Variants in SLC2A5 observed in about 807,000 individuals in gnomAD.
SLC2A5 encodes the protein solute carrier family 2, facilitated glucose transporter member 5.
Under a neutral mutation model 50.3 loss-of-function variants are expected in SLC2A5, and 56 were observed. That is an observed-to-expected ratio of 1.11 (90% CI 0.90 to 1.39). SLC2A5 has a LOEUF of 1.39. SLC2A5 is among the 40% of genes most tolerant of loss of function. SLC2A5 has a pLI of 0.00. For missense variants in SLC2A5, 566 were observed against 650.1 expected, an observed-to-expected ratio of 0.87 and a Z score of 1.41; for synonymous variants, 269 against 281.9, an observed-to-expected ratio of 0.95 and a Z score of 0.46.
At chr1:9,045,894 T>C (rs1055286241) in intron 4 of SLC2A5, among the ~76,000 whole-genome samples, 4 of 135,822 alleles carry the variant, frequency 2.9e-5, no homozygotes, top group African/African-American at 1.1e-4. Context: ...AAAAAAAAGA[T>C]GGCAGAGACC....
upstream of SLC2A5, chr1:9,071,903 G>C: frequency 6.4e-6 from 1 of 156,738 alleles, no homozygotes; most frequent in Non-Finnish European, 1.4e-5. Context: ...GATCCCCCTC[G>C]GCCTCTGCCT....
chr1:9,059,954 C>T (rs1368579283), intron 1 of SLC2A5, among the ~76,000 whole-genome samples: 1 of 150,816 alleles, frequency 6.6e-6, no homozygotes, highest in Middle Eastern at 3.2e-3. Context: ...GCAGCACCTG[C>T]AAGGAGCCCT....
intron 1 of SLC2A5, among the ~76,000 whole-genome samples, chr1:9,059,927 G>A (rs145008619): frequency 1.6e-3 from 236 of 151,230 alleles, no homozygotes; most frequent in African/African-American, 5.6e-3. Flanking sequence ...AGATGGGGTG[G>A]AGTGAACCTC....
At chr1:9,055,039 G>A (rs1048216663) in intron 3 of SLC2A5, among the ~76,000 whole-genome samples, 1 of 152,148 alleles carries the variant, frequency 6.6e-6, no homozygotes, top group Non-Finnish European at 1.5e-5. Context: ...CTATATGTAT[G>A]ATTAAAAAAA....
At chr1:9,086,387 C>CTTTTTTTTTTTTTTTTTTTTTTT (rs34593630) in intron 1 of SLC2A5, among the ~76,000 whole-genome samples, 1 of 140,546 alleles carries the variant, frequency 7.1e-6, no homozygotes, top group Non-Finnish European at 1.5e-5. Context: ...TTTTCTCTCT[C>CTTTTTTTTTTTTTTTTTTTTTTT]TTTTTTTTTT....
intron 1 of SLC2A5, among the ~76,000 whole-genome samples, chr1:9,063,112 G>A (rs557444140): frequency 6.6e-6 from 1 of 152,326 alleles, no homozygotes; most frequent in Non-Finnish European, 1.5e-5. Context: ...CACCCTGTGA[G>A]TTCGACTTAG....
chr1:9,038,122 A>T (rs141181288), intron 10 of SLC2A5, 98 bp from the exon 11 acceptor site: 15 of 1,392,036 alleles, frequency 1.1e-5, no homozygotes, highest in African/African-American at 7.1e-5. Context: ...CCCAGGACAG[A>T]GGCGTCTCCA....
At chr1:9,088,211 CCCT>C (rs145413743) in intron 1 of SLC2A5, among the ~76,000 whole-genome samples, 4,586 of 151,954 alleles carry the variant, frequency 0.03, 246 homozygotes, top group African/African-American at 0.11. Flanking sequence ...CCTCTGGAAC[CCCT>C]CCTCTGAAAC....
At chr1:9,057,312 A>AAG (rs1553169950) in intron 3 of SLC2A5, 136 bp downstream of exon 3, 141 of 390,548 alleles carry the variant, frequency 3.6e-4, no homozygotes, top group East Asian at 1.9e-3. Flanking sequence ...AAAAAAAAAA[A>AAG]AAAGAAAGAA....
chr1:9,060,618 A>G (rs1429919646), intron 1 of SLC2A5, among the ~76,000 whole-genome samples: 1 of 113,458 alleles, frequency 8.8e-6, no homozygotes, highest in Non-Finnish European at 1.8e-5. Context: ...CACACCACAC[A>G]CACCACACAT....
chr1:9,091,164 C>A (rs1199548994), upstream of SLC2A5, among the ~76,000 whole-genome samples: 1 of 152,186 alleles, frequency 6.6e-6, no homozygotes, highest in Non-Finnish European at 1.5e-5. Context: ...CCTTTATTAA[C>A]ACACTAAAGG....
intron 8 of SLC2A5, 49 bp downstream of exon 8, chr1:9,039,503 G>A (rs1178812956): frequency 7.2e-7 from 1 of 1,389,750 alleles, no homozygotes; most frequent in South Asian, 1.3e-5. Flanking sequence ...GGGGCGTGGG[G>A]CCCGAGGGGC....
chr1:9,050,316 C>T (rs1557668300), intron 3 of SLC2A5, among the ~76,000 whole-genome samples: 1 of 151,466 alleles, frequency 6.6e-6, no homozygotes, highest in African/African-American at 2.4e-5. Context: ...TTGCTGGGCA[C>T]TATTGGTGGT....
In SLC2A5 at chr1:9,038,831, C is replaced by A; in HGVS notation, c.1095G>T (p.Leu365=). The A allele has an allele frequency of 6.2e-7, 1 of 1,607,168 alleles. No individual in the cohort carries two copies. The change falls in exon 9 of 12, where the codon CTG becomes CTT. Residue 365 remains leucine (L), a synonymous_variant. Transcript: ENST00000377424. ...ACCVLTAALA[L]QDTVSWMPYI... ...TGGGACCCTGGCCTGTCCTCACCTGCAGTGCCAGAGCTGCAGTGAGCACGC... is the reference window on the plus strand; with the variant it reads ...TGGGACCCTGGCCTGTCCTCACCTGAAGTGCCAGAGCTGCAGTGAGCACGC...
chr1:9,065,180 C>T (rs1033208320), intron 1 of SLC2A5, among the ~76,000 whole-genome samples: 10 of 151,988 alleles, frequency 6.6e-5, no homozygotes, highest in African/African-American at 2.2e-4. Context: ...TCTTTAAAAA[C>T]TTGAACTTCT....
In SLC2A5 at chr1:9,037,996, C is replaced by A. The variant is rs1370534846; in HGVS notation, c.1203G>T (p.Glu401Asp). 1.2e-6 allele frequency: 2 copies of A among 1,613,926 alleles called. No homozygotes were observed. Among genetic ancestry groups the A allele is most frequent in the Non-Finnish European group, 1.7e-6 (2 of 1,180,020 alleles). ...PSPIPALLITEIFLQSSRPSA... is the reference protein window; with the variant it reads ...PSPIPALLITDIFLQSSRPSA... ...ATGGCCGAGAGGACTGCAGGAAGAT[C>A]TCAGTGATGAGCAGCGCGGGTATGG... The change falls in exon 11 of 12, where the codon GAG (glutamate) becomes GAT (aspartate). Residue 401 changes from glutamate to aspartate, a missense_variant. By Grantham distance (45) the Glu-to-Asp change is conservative. Coordinates refer to ENST00000377424, the MANE Select transcript of SLC2A5 (RefSeq NM_003039.3).
intron 2 of SLC2A5, 36 bp from the exon 3 acceptor site, chr1:9,057,644 T>C: frequency 1.9e-6 from 3 of 1,594,194 alleles, no homozygotes; most frequent in Non-Finnish European, 2.6e-6. Flanking sequence ...CCAAAATAAT[T>C]TGATCCGGTT....
intron 8 of SLC2A5, 101 bp from the exon 9 acceptor site, chr1:9,039,030 G>A: frequency 7.3e-7 from 1 of 1,371,756 alleles, no homozygotes; most frequent in Non-Finnish European, 9.9e-7. Context: ...CGGACCGGGT[G>A]CCCACCCATG....
chr1:9,036,867 A>G lies in SLC2A5; in HGVS notation c.*719T>C, dbSNP rs1003817139. On this transcript the variant is annotated 3_prime_UTR_variant, in exon 12 of 12. Transcript: ENST00000377424. ...AAAAAAAAAAAAAAAGCAAAAATAA[A>G]AACAAAAAAAACACTGCCTGAATGA... is the stretch of plus-strand genomic sequence containing the variant. 2 of 113,912 alleles carry G rather than the reference A, an allele frequency of 1.8e-5. No individual in the cohort carries two copies. Among genetic ancestry groups the G allele is most frequent in the African/African-American group, 7.8e-5 (2 of 25,640 alleles). The allele number at this position is 113,912 out of a possible 1,614,324, so 7.1% of individuals were successfully genotyped here.
Sources: gnomAD v4.1 joint callset for allele counts (sites outside exome capture counted in the v4.1 genomes callset) on GRCh38, gnomAD v4.1.1 for gene constraint, MANE v1.5 for transcripts, NCBI Gene and HGNC (gene_info 2026-07-23, HGNC 2026-07-21) for gene names.